Variants in LUC7L2 observed in about 807,000 individuals in gnomAD.
The protein encoded by LUC7L2 is putative RNA-binding protein Luc7-like 2.
Under a neutral mutation model 52.8 loss-of-function variants are expected in LUC7L2, and 25 were observed. The ratio of observed to expected loss-of-function variants is 0.47; its 90% confidence interval spans 0.34 to 0.66. The LOEUF (loss-of-function observed/expected upper bound fraction) is 0.66, where lower values mean the gene tolerates loss of function less well. Among genes scored for constraint, LUC7L2 ranks in the 30% least tolerant of loss-of-function variants. The probability of loss-of-function intolerance (pLI) is 0.01; values close to 1 mark genes in which losing one functional copy is unlikely to be tolerated. For missense variants in LUC7L2, 328 were observed against 497.8 expected (o/e 0.66, Z 3.25); for synonymous variants, 144 against 160.9 (o/e 0.89, Z 0.80).
chr7:139,415,054 G>GTTTTTT lies in LUC7L2; in HGVS notation c.810-2460_810-2455dup, dbSNP rs1171809951. Among the ~76,000 whole-genome samples the GTTTTTT allele has an allele frequency of 1.2e-3, 67 of 54,164 alleles. 2 individuals are homozygous for GTTTTTT. The highest frequency in any genetic ancestry group is 1.6e-3 in the Non-Finnish European group (53 of 32,356). The allele number at this position is 54,164 out of a possible 152,430, so 35.5% of individuals were successfully genotyped here. A position where few individuals can be genotyped will look rare whatever the true frequency, so the allele number is the denominator to read the frequency against. ...GGCACGTGCCACCATGCCCTGCTAA[G>GTTTTTT]TTTTTTTTTTTTTTTTTTTTTTTTT... is the stretch of plus-strand genomic sequence containing the variant. On this transcript the variant is annotated intron_variant, in intron 8 of 9. Transcript: ENST00000354926.
intron 4 of LUC7L2, among the ~76,000 whole-genome samples, chr7:139,405,322 G>C (rs1795072071): frequency 6.6e-6 from 1 of 152,184 alleles, no homozygotes; most frequent in Non-Finnish European, 1.5e-5. Context: ...GTTGTGAGGT[G>C]GGGGAGTAGC....
intron 1 of LUC7L2, chr7:139,374,516 A>G: frequency 6.5e-7 from 1 of 1,549,436 alleles, no homozygotes; most frequent in Non-Finnish European, 8.7e-7. Flanking sequence ...AATGTGGAAC[A>G]AAAGCAGTTG....
At chr7:139,354,856 G>A (rs1159317153) in intron 1 of LUC7L2, among the ~76,000 whole-genome samples, 1 of 126,174 alleles carries the variant, frequency 7.9e-6, no homozygotes, top group Non-Finnish European at 1.5e-5. Context: ...AATTCTTGCT[G>A]GACTTTTTTT....
intron 2 of LUC7L2, among the ~76,000 whole-genome samples, chr7:139,392,798 A>T (rs1358581403): frequency 6.6e-6 from 1 of 151,966 alleles, no homozygotes; most frequent in African/African-American, 2.4e-5. Flanking sequence ...GATTACAGGC[A>T]TGCACCACCA....
At chr7:139,418,460 T>C (rs184929953) in intron 9 of LUC7L2, among the ~76,000 whole-genome samples, 1 of 152,218 alleles carries the variant, frequency 6.6e-6, no homozygotes, top group Non-Finnish European at 1.5e-5. Context: ...ATGTTTAAAA[T>C]TGCTTTTTTC....
intron 7 of LUC7L2, 143 bp from the exon 8 acceptor site, chr7:139,412,408 T>C: frequency 6.2e-6 from 6 of 967,238 alleles, no homozygotes; most frequent in Non-Finnish European, 8.6e-6. Context: ...TGGTGTCTTT[T>C]GGAAAATTTT....
intron 2 of LUC7L2, among the ~76,000 whole-genome samples, chr7:139,382,394 T>TTATC (rs1271650407): frequency 6.6e-6 from 1 of 151,984 alleles, no homozygotes; most frequent in Non-Finnish European, 1.5e-5. Flanking sequence ...ATTTATTTAT[T>TTATC]TATTTTTTGA....
intron 1 of LUC7L2, among the ~76,000 whole-genome samples, chr7:139,368,964 C>G (rs1485293193): frequency 1.3e-5 from 2 of 152,102 alleles, no homozygotes; most frequent in Non-Finnish European, 2.9e-5. Context: ...GGTTGTCTAT[C>G]ACCTCTGTCC....
At chr7:139,381,604 T>G (rs1705763873) in intron 2 of LUC7L2, among the ~76,000 whole-genome samples, 1 of 147,484 alleles carries the variant, frequency 6.8e-6, no homozygotes, top group East Asian at 2.0e-4. Context: ...TGAGACAGAG[T>G]CTCGCTCTGT....
intron 1 of LUC7L2, among the ~76,000 whole-genome samples, chr7:139,362,622 C>CTT (rs79177935): frequency 9.6e-5 from 11 of 114,450 alleles, no homozygotes; most frequent in African/African-American, 4.9e-4. Context: ...CAACTCTGTC[C>CTT]TTTTTTTTTT....
rs1032190767 is a variant in LUC7L2, at chr7:139,396,538, A to C, written c.157-2061A>C. On this transcript the variant is annotated intron_variant, in intron 2 of 9. Transcript: ENST00000354926. ...CAAATCTATTTCTGCTGCTTTATGA[A>C]AAATTCCTCAGTTGATTGAAGTTGG... Among the ~76,000 whole-genome samples the C allele has an allele frequency of 2.0e-5, 3 of 152,214 alleles. No individual in the cohort carries two copies. In the East Asian group the frequency reaches 5.8e-4, roughly 29 times the overall value.
chr7:139,366,897 C>A (rs1800185552), intron 1 of LUC7L2, among the ~76,000 whole-genome samples: 1 of 152,208 alleles, frequency 6.6e-6, no homozygotes, highest in Admixed American at 6.5e-5. Context: ...GATTCTGATA[C>A]ACATTAAAAG....
intron 1 of LUC7L2, chr7:139,341,408 G>T: frequency 6.2e-7 from 1 of 1,613,158 alleles, no homozygotes. Flanking sequence ...GGTCCCCGTC[G>T]CACACTTTTC....
chr7:139,367,091 C>G lies in LUC7L2; in HGVS notation c.61+6769C>G, dbSNP rs547476797. Among the ~76,000 whole-genome samples, 13 of 152,252 alleles carry G rather than the reference C, an allele frequency of 8.5e-5. No homozygotes were observed. The East Asian group carries it at 2.5e-3, about 29-fold the overall frequency. ...TCTCGAGTTCAGGCGATTACCCTAG[C>G]TTCCCGAGTGGCTGAGATGACAGGC... On this transcript the variant is annotated intron_variant, in intron 1 of 9. Coordinates refer to ENST00000354926, the MANE Select transcript of LUC7L2 (RefSeq NM_016019.5).
chr7:139,379,301 A>G (rs376085225), intron 2 of LUC7L2, among the ~76,000 whole-genome samples: 44 of 152,006 alleles, frequency 2.9e-4, no homozygotes, highest in African/African-American at 7.2e-4. Context: ...CAGGATTTCA[A>G]AGGTAGCCGG....
chr7:139,363,550 T>C, intron 1 of LUC7L2, among the ~76,000 whole-genome samples: 1 of 152,324 alleles, frequency 6.6e-6, no homozygotes, highest in South Asian at 2.1e-4. Flanking sequence ...TGTTGAAAAA[T>C]AAATATATTT....
intron 7 of LUC7L2, among the ~76,000 whole-genome samples, chr7:139,410,186 C>T (rs937339301): frequency 2.7e-5 from 4 of 150,480 alleles, no homozygotes; most frequent in African/African-American, 4.9e-5. Flanking sequence ...CCAGCCTGGG[C>T]GACAGCGAGA....
chr7:139,355,872 TG>T (rs1799590402), upstream of LUC7L2, among the ~76,000 whole-genome samples: 1 of 152,210 alleles, frequency 6.6e-6, no homozygotes, highest in African/African-American at 2.4e-5. Context: ...GGATTCTCAA[TG>T]AACGAATGAA....
intron 9 of LUC7L2, among the ~76,000 whole-genome samples, chr7:139,420,718 T>C (rs1470273314): frequency 6.6e-6 from 1 of 152,224 alleles, no homozygotes; most frequent in African/African-American, 2.4e-5. Context: ...GTATCATTTT[T>C]ACCATCTCTT....
Sources: gnomAD v4.1 joint callset for allele counts (sites outside exome capture counted in the v4.1 genomes callset) on GRCh38, gnomAD v4.1.1 for gene constraint, MANE v1.5 for transcripts, NCBI Gene and HGNC (gene_info 2026-07-23, HGNC 2026-07-21) for gene names.